RSRC1: variants seen among roughly 807,000 people sequenced by gnomAD.
The protein encoded by RSRC1 is arginine and serine rich coiled-coil 1.
A neutral mutation model predicts 49.1 loss-of-function variants in RSRC1; 39 were observed. The observed-to-expected ratio is 0.79, with a 90% CI of 0.61 to 1.04. The LOEUF (loss-of-function observed/expected upper bound fraction) is 1.04. RSRC1 is among the 50% of genes least tolerant of loss of function. The pLI, the probability that RSRC1 is intolerant of heterozygous loss-of-function variation, is 0.00. For missense variants in RSRC1, 388 were observed against 402.4 expected (o/e 0.96, Z 0.31); for synonymous variants, 143 against 130.8 (o/e 1.09, Z -0.63).
chr3:158,119,614 ATG>A (rs879353962), intron 1 of RSRC1, among the ~76,000 whole-genome samples: 18 of 151,832 alleles, frequency 1.2e-4, no homozygotes, highest in Non-Finnish European at 1.8e-4. Flanking sequence ...ATATAAGTAT[ATG>A]TGTGTGTGTA....
At chr3:158,155,513 C>T (rs1201672238) in intron 3 of RSRC1, among the ~76,000 whole-genome samples, 2 of 152,052 alleles carry the variant, frequency 1.3e-5, no homozygotes, top group East Asian at 1.9e-4. Context: ...CGGCTCCCTG[C>T]AGCCTCTACC....
At chr3:158,154,730 T>C (rs1331962903) in intron 3 of RSRC1, among the ~76,000 whole-genome samples, 1 of 152,146 alleles carries the variant, frequency 6.6e-6, no homozygotes, top group African/African-American at 2.4e-5. Flanking sequence ...TCCAAAGTGC[T>C]CGATTACAGG....
At chr3:158,518,140 A>ATTTT (rs1553820473) in intron 7 of RSRC1, among the ~76,000 whole-genome samples, 2 of 79,522 alleles carry the variant, frequency 2.5e-5, no homozygotes, top group Non-Finnish European at 4.4e-5. Context: ...ATATATATAT[A>ATTTT]TATATATATT....
intron 5 of RSRC1, among the ~76,000 whole-genome samples, chr3:158,326,641 A>T (rs1262042968): frequency 2.0e-5 from 3 of 151,946 alleles, no homozygotes; most frequent in African/African-American, 7.3e-5. Flanking sequence ...CCAGTATTTT[A>T]TTGAGGATTG....
At chr3:158,287,023 T>C (rs1373888203) in intron 4 of RSRC1, among the ~76,000 whole-genome samples, 1 of 152,202 alleles carries the variant, frequency 6.6e-6, no homozygotes, top group African/African-American at 2.4e-5. Flanking sequence ...AGACAGGGTT[T>C]CACTGTGTTA....
intron 5 of RSRC1, among the ~76,000 whole-genome samples, chr3:158,298,681 T>G (rs983284844): frequency 6.6e-6 from 1 of 152,140 alleles, no homozygotes; most frequent in Non-Finnish European, 1.5e-5. Context: ...AATTGTAATA[T>G]GTTTGAAATT....
At chr3:158,475,855 C>T (rs1738343847) in intron 7 of RSRC1, among the ~76,000 whole-genome samples, 1 of 152,062 alleles carries the variant, frequency 6.6e-6, no homozygotes, top group East Asian at 1.9e-4. Flanking sequence ...TTGCATGTCC[C>T]TCACTTACAT....
At chr3:158,349,077 T>C (rs540833873) in intron 5 of RSRC1, among the ~76,000 whole-genome samples, 3 of 151,564 alleles carry the variant, frequency 2.0e-5, no homozygotes, top group South Asian at 2.1e-4. Flanking sequence ...AATGATCTCT[T>C]TTTTTTTGGG....
At chr3:158,224,137 A>G (rs1380832061) in intron 4 of RSRC1, among the ~76,000 whole-genome samples, 1 of 151,834 alleles carries the variant, frequency 6.6e-6, no homozygotes, top group African/African-American at 2.4e-5. Flanking sequence ...GTACTGAAGT[A>G]AGATTTATAC....
At chr3:158,384,305 C>T (rs1732854852) in intron 6 of RSRC1, among the ~76,000 whole-genome samples, 1 of 152,052 alleles carries the variant, frequency 6.6e-6, no homozygotes, top group Non-Finnish European at 1.5e-5. Flanking sequence ...AAAACAGAGT[C>T]TATATGTCAT....
chr3:158,422,203 C>A (rs1230894938), intron 6 of RSRC1, among the ~76,000 whole-genome samples: 2 of 146,378 alleles, frequency 1.4e-5, no homozygotes, highest in Admixed American at 1.4e-4. Flanking sequence ...TTAGGTATAT[C>A]TCCCAATGCT....
intron 5 of RSRC1, among the ~76,000 whole-genome samples, chr3:158,330,392 G>C (rs530028800): frequency 6.6e-6 from 1 of 152,162 alleles, no homozygotes; most frequent in East Asian, 1.9e-4. Flanking sequence ...ATTTTTGTAC[G>C]TATCTTAAAT....
At chr3:158,366,985 A>T (rs1321213341) in intron 6 of RSRC1, among the ~76,000 whole-genome samples, 1 of 152,116 alleles carries the variant, frequency 6.6e-6, no homozygotes, top group Admixed American at 6.6e-5. Flanking sequence ...ATTTTTGCAT[A>T]TTGATTTTAT....
intron 5 of RSRC1, among the ~76,000 whole-genome samples, chr3:158,301,411 TC>T (rs1727542316): frequency 6.6e-6 from 1 of 152,178 alleles, no homozygotes; most frequent in Non-Finnish European, 1.5e-5. Flanking sequence ...TATCTATTTA[TC>T]AGGAGTAAGG....
intron 7 of RSRC1, among the ~76,000 whole-genome samples, chr3:158,496,355 AG>A (rs201650597): frequency 0.02 from 2,972 of 152,238 alleles, 40 homozygotes; most frequent in Non-Finnish European, 0.031. Context: ...TTTCTGATTC[AG>A]GGGGTCTGAG....
intron 5 of RSRC1, among the ~76,000 whole-genome samples, chr3:158,346,876 G>A (rs1476363000): frequency 2.0e-5 from 3 of 152,160 alleles, no homozygotes; most frequent in African/African-American, 7.2e-5. Context: ...TTTATTGATA[G>A]TTGAATGCAT....
intron 5 of RSRC1, among the ~76,000 whole-genome samples, chr3:158,304,365 T>A (rs1727728470): frequency 6.6e-6 from 1 of 152,136 alleles, no homozygotes; most frequent in Non-Finnish European, 1.5e-5. Flanking sequence ...AGACTAATAG[T>A]TCTATTTAAC....
At chr3:158,290,421 C>T (rs12634405) in intron 4 of RSRC1, among the ~76,000 whole-genome samples, 18,533 of 151,868 alleles carry the variant, frequency 0.12, 1,412 homozygotes, top group Middle Eastern at 0.2. Context: ...TACAGGCGCC[C>T]GCCACCACGC....
chr3:158,120,619 T>C (rs972060730), intron 1 of RSRC1, among the ~76,000 whole-genome samples: 18 of 147,136 alleles, frequency 1.2e-4, no homozygotes, highest in African/African-American at 4.4e-4. Flanking sequence ...ATTTAATATA[T>C]AATATATTTA....
Sources: allele counts gnomAD v4.1 joint callset (sites outside exome capture counted in the v4.1 genomes callset), GRCh38; gene constraint gnomAD v4.1.1; transcripts MANE v1.5; gene names NCBI Gene and HGNC (gene_info 2026-07-23, HGNC 2026-07-21).